The following NIPAL2 variants were observed in gnomAD, a reference collection of about 807,000 sequenced individuals.
The protein encoded by NIPAL2 is NIPA like domain containing 2, also known as NIPA-like protein 2.
In NIPAL2, 43 loss-of-function variants were observed where a neutral mutation model predicts 48.9. The observed-to-expected ratio is 0.88, with a 90% CI of 0.69 to 1.13. The LOEUF (loss-of-function observed/expected upper bound fraction) is 1.13, where lower values mean the gene tolerates loss of function less well. NIPAL2 is among the 50% of genes most tolerant of loss of function. NIPAL2 has a pLI of 0.00. For missense variants in NIPAL2, 446 were observed against 461.4 expected, an observed-to-expected ratio of 0.97 and a Z score of 0.31; for synonymous variants, 167 against 174.6, an observed-to-expected ratio of 0.96 and a Z score of 0.34.
At position 98,237,397 on chromosome 8, in the gene NIPAL2, G is replaced by A. The variant is rs529043648; in HGVS notation, c.377-1183C>T. Among the ~76,000 whole-genome samples the A allele has an allele frequency of 2.0e-4, 31 of 152,006 alleles. 1 individual carries two copies. The South Asian group carries it at 6.5e-3, about 32-fold the overall frequency. On this transcript the variant is annotated intron_variant, in intron 3 of 10. Transcript: ENST00000430223. ...TCTGTTCCCAACTCTTCATTCCTGT[G>A]ATCACCAGCCCTATCCCAAGCTCAG...
At chr8:98,271,290 A>G (rs989142945) in intron 1 of NIPAL2, among the ~76,000 whole-genome samples, 1 of 152,156 alleles carries the variant, frequency 6.6e-6, no homozygotes, top group African/African-American at 2.4e-5. Context: ...TTTGGCCAGG[A>G]TAGACATTTC....
chr8:98,260,002 A>G (rs954674590), intron 1 of NIPAL2, among the ~76,000 whole-genome samples: 6 of 152,242 alleles, frequency 3.9e-5, no homozygotes, highest in African/African-American at 1.4e-4. Context: ...ACAACAAGAA[A>G]TAATAGACTA....
rs539778250 is a variant in NIPAL2 at position 98,229,849 on chromosome 8, T to G, written c.436+6306A>C. 2.6e-5 allele frequency among the ~76,000 whole-genome samples: 4 copies of G among 152,368 alleles called. No homozygotes were observed. The East Asian group carries it at 5.8e-4, about 22-fold the overall frequency. On this transcript the variant is annotated intron_variant, in intron 4 of 10. Coordinates refer to ENST00000430223, the MANE Select transcript of NIPAL2 (RefSeq NM_001321635.2). The stretch of plus-strand genomic sequence containing the variant: ...CAGTTCTAAATGCTTTATACATAAC[T>G]AATTTAATCCTCACAACAAATCTGT...
rs1812705549 is a variant in NIPAL2, at chr8:98,236,210, AC to A, written c.380del (p.Ser127MetfsTer9). On this transcript the variant is annotated frameshift_variant, in exon 4 of 11. Transcript: ENST00000430223. LOFTEE classifies it high-confidence loss of function. ...APLGCVSVTG[S>X]AIISVTFLKD... is the part of the protein sequence containing the mutation. Reference sequence around the variant, plus strand: ...TCAGAAATGTAACAGAAATAATGGCACTACCTATAAAGAAAATGGCCATTAG... The same window carrying A: ...TCAGAAATGTAACAGAAATAATGGCATACCTATAAAGAAAATGGCCATTAG... The A allele has an allele frequency of 1.2e-6, 2 of 1,601,396 alleles. No homozygotes were observed. Among genetic ancestry groups the A allele is most frequent in the Non-Finnish European group, 1.7e-6 (2 of 1,172,250 alleles).
At chr8:98,252,197 T>A in intron 3 of NIPAL2, 1 of 377,408 alleles carries the variant, frequency 2.6e-6, no homozygotes, top group Non-Finnish European at 4.7e-6. Context: ...CAGTATAACA[T>A]CTTCTGTCAC....
chr8:98,250,324 TAA>T (rs145336178), intron 3 of NIPAL2, among the ~76,000 whole-genome samples: 1,758 of 152,278 alleles, frequency 0.012, 31 homozygotes, highest in African/African-American at 0.04. Context: ...GACACAGACA[TAA>T]GAGACATCTG....
intron 1 of NIPAL2, among the ~76,000 whole-genome samples, chr8:98,275,666 G>T (rs1031614192): frequency 2.0e-5 from 3 of 152,130 alleles, no homozygotes; most frequent in Non-Finnish European, 2.9e-5. Flanking sequence ...AGTTTTGAAA[G>T]GAACTGCCAA....
chr8:98,276,195 A>C (rs1241905681), intron 1 of NIPAL2, among the ~76,000 whole-genome samples: 1 of 152,146 alleles, frequency 6.6e-6, no homozygotes, highest in Non-Finnish European at 1.5e-5. Context: ...CACCATTATA[A>C]TATCATACAG....
chr8:98,284,049 C>T (rs1816008649), intron 1 of NIPAL2, among the ~76,000 whole-genome samples: 1 of 152,160 alleles, frequency 6.6e-6, no homozygotes, highest in Non-Finnish European at 1.5e-5. Flanking sequence ...CACAGCCAGG[C>T]TAATTTCCTC....
intron 6 of NIPAL2, among the ~76,000 whole-genome samples, chr8:98,207,860 A>C (rs1811113511): frequency 6.6e-6 from 1 of 152,222 alleles, no homozygotes; most frequent in Middle Eastern, 3.2e-3. Flanking sequence ...TTCATTAAGT[A>C]TTCTTCTAAA....
At chr8:98,258,248 G>T (rs1461043508) in intron 1 of NIPAL2, among the ~76,000 whole-genome samples, 4 of 152,180 alleles carry the variant, frequency 2.6e-5, no homozygotes, top group Non-Finnish European at 4.4e-5. Context: ...AGAATGGGGA[G>T]TTTGTGTTTA....
chr8:98,206,548 A>T (rs1237752114), intron 6 of NIPAL2, among the ~76,000 whole-genome samples: 1 of 152,080 alleles, frequency 6.6e-6, no homozygotes, highest in Non-Finnish European at 1.5e-5. Flanking sequence ...GCACTTTGGG[A>T]GGCCAAGGCG....
chr8:98,196,619 A>C (rs10095305), intron 8 of NIPAL2, among the ~76,000 whole-genome samples: 11 of 152,240 alleles, frequency 7.2e-5, no homozygotes, highest in Non-Finnish European at 1.6e-4. Context: ...TACTTTGATG[A>C]ACTTTGCTTC....
intron 3 of NIPAL2, chr8:98,251,844 A>G (rs544979852): frequency 6.6e-6 from 1 of 152,340 alleles, no homozygotes; most frequent in Middle Eastern, 3.4e-3. Flanking sequence ...TAAAACCAAA[A>G]AGATTTTATT....
At chr8:98,244,790 A>G (rs543194422) in intron 3 of NIPAL2, among the ~76,000 whole-genome samples, 2 of 152,242 alleles carry the variant, frequency 1.3e-5, no homozygotes, top group East Asian at 1.9e-4. Context: ...TTATTGTCCA[A>G]TTTTTACCCA....
chr8:98,235,811 A>C (rs980008695), intron 4 of NIPAL2, among the ~76,000 whole-genome samples: 1 of 151,714 alleles, frequency 6.6e-6, no homozygotes, highest in African/African-American at 2.4e-5. Flanking sequence ...TTATAATAAT[A>C]AAATGTTATG....
At chr8:98,283,977 G>A (rs981409340) in intron 1 of NIPAL2, among the ~76,000 whole-genome samples, 2 of 152,168 alleles carry the variant, frequency 1.3e-5, no homozygotes, top group Non-Finnish European at 2.9e-5. Flanking sequence ...TCAAGTTCAA[G>A]TGTGCTATAC....
chr8:98,283,840 G>A (rs1195470044), intron 1 of NIPAL2, among the ~76,000 whole-genome samples: 3 of 152,168 alleles, frequency 2.0e-5, no homozygotes, highest in East Asian at 3.8e-4. Flanking sequence ...CAGCCACTGG[G>A]TGAGTTTCTG....
intron 1 of NIPAL2, among the ~76,000 whole-genome samples, chr8:98,257,077 A>G (rs1203200547): frequency 6.6e-6 from 1 of 152,208 alleles, no homozygotes; most frequent in Non-Finnish European, 1.5e-5. Flanking sequence ...CCTAGGCCAA[A>G]GGCATTCCAA....
Sources: allele counts gnomAD v4.1 joint callset (sites outside exome capture counted in the v4.1 genomes callset), GRCh38; gene constraint gnomAD v4.1.1; transcripts MANE v1.5; gene names NCBI Gene and HGNC (gene_info 2026-07-23, HGNC 2026-07-21).